GREP1: variants seen among roughly 807,000 people sequenced by gnomAD.
GREP1 encodes the protein glycine-rich extracellular protein 1.
At position 2,988,642 on chromosome 16, in the gene GREP1, C is replaced by G. The variant is rs2072383288; in HGVS notation, c.100+20C>G. On this transcript the variant is annotated intron_variant, in intron 2 of 34. Coordinates refer to ENST00000573315, the Ensembl canonical transcript of GREP1. ...GGAAAGGTAGGTGGGCCCTCTGGCACTGGGGTCAGGAAGAGTCTCCCATCT... is the reference window on the plus strand; with the variant it reads ...GGAAAGGTAGGTGGGCCCTCTGGCAGTGGGGTCAGGAAGAGTCTCCCATCT... 2.5e-6 allele frequency: 1 copy of G among 399,146 alleles called. No individual in the cohort carries two copies. Among genetic ancestry groups the G allele is most frequent in the Non-Finnish European group, 4.4e-6 (1 of 226,264 alleles). The allele number at this position is 399,146 out of a possible 1,614,324, so 24.7% of individuals were successfully genotyped here.
At chr16:2,999,479 CTTT>C (rs35368761) in intron 27 of GREP1, among the ~76,000 whole-genome samples, 11 of 75,534 alleles carry the variant, frequency 1.5e-4, no homozygotes, top group African/African-American at 6.6e-4. Flanking sequence ...CCCTCTTGCT[CTTT>C]TTTTTTTTTT....
chr16:2,997,954 C>A (rs891975562), intron 23 of GREP1, 119 bp downstream of exon 21: 2 of 394,318 alleles, frequency 5.1e-6, no homozygotes, highest in East Asian at 3.6e-5. Flanking sequence ...GGAGCTGGAG[C>A]CTTCCTGTGG....
At chr16:2,998,869 C>T (rs1248499840) in exon 26 of GREP1, 2 of 399,010 alleles carry the variant, frequency 5.0e-6, no homozygotes, top group Non-Finnish European at 8.8e-6. Context: ...GCGAGGGTCG[C>T]TCCGATGCTC....
chr16:2,993,990 G>C (rs2072411932), intron 10 of GREP1: 1 of 152,688 alleles, frequency 6.5e-6, no homozygotes, highest in Non-Finnish European at 1.5e-5. Context: ...AACAACCAAA[G>C]TAATCCGTGG....
In GREP1 at chr16:3,001,837, G is replaced by A. The variant is rs143561130; in HGVS notation, c.*251G>A. ...GTGCCAGGGACCATGTTCCCAACAGGAGAAATCATGAGAAGAAAACAGACT... is the reference window on the plus strand; with the variant it reads ...GTGCCAGGGACCATGTTCCCAACAGAAGAAATCATGAGAAGAAAACAGACT... On this transcript the variant is annotated 3_prime_UTR_variant, in exon 35 of 35. Coordinates refer to ENST00000573315, the Ensembl canonical transcript of GREP1. 41 of 391,430 alleles carry A rather than the reference G, an allele frequency of 1.0e-4. No individual in the cohort carries two copies. In the Admixed American group the frequency reaches 1.7e-3, roughly 16 times the overall value. 24.2% of individuals were successfully genotyped at this position (391,430 alleles called of 1,614,324 possible). A position where few individuals can be genotyped will look rare whatever the true frequency, so the allele number is the denominator to read the frequency against.
In GREP1 at chr16:2,995,665, G is replaced by C; in HGVS notation, c.589+11G>C. 1 of 398,778 alleles carries C rather than the reference G, an allele frequency of 2.5e-6. No individual in the cohort carries two copies. The highest frequency in any genetic ancestry group is 4.4e-6 in the Non-Finnish European group (1 of 226,146). The allele number at this position is 398,778 out of a possible 1,614,324, so 24.7% of individuals were successfully genotyped here. A position where few individuals can be genotyped will look rare whatever the true frequency, so the allele number is the denominator to read the frequency against. ...TTGGATTTGGAGCAGGTAGGAGCAG[G>C]GGTGGGGAGGGGCTGGGGGAGAATG... On this transcript the variant is annotated intron_variant, in intron 16 of 34. Coordinates refer to ENST00000573315, the Ensembl canonical transcript of GREP1.
At position 2,992,873 on chromosome 16, in the gene GREP1, G is replaced by A. The variant is rs2072405995; in HGVS notation, c.352+39G>A. ...GGACGGAAGCGGGGAGCCTGGGGCTGAGATTCTGGGCACAGGCCCAGAGGA... is the reference window on the plus strand; with the variant it reads ...GGACGGAAGCGGGGAGCCTGGGGCTAAGATTCTGGGCACAGGCCCAGAGGA... On this transcript the variant is annotated intron_variant, in intron 9 of 34. Transcript: ENST00000573315. This position sits in a 1 kb window ranked among gnomAD's most constrained non-coding sequence, Gnocchi z 4.9. 2.5e-6 allele frequency: 1 copy of A among 398,994 alleles called. No individual in the cohort carries two copies. The highest frequency in any genetic ancestry group is 2.1e-5 in the African/African-American group (1 of 48,636). 24.7% of individuals were successfully genotyped at this position (398,994 alleles called of 1,614,324 possible). A position where few individuals can be genotyped will look rare whatever the true frequency, so the allele number is the denominator to read the frequency against.
At position 2,991,497 on chromosome 16, in the gene GREP1, C is replaced by G. The variant is rs1182022175; in HGVS notation, c.322+396C>G. 1 of 177,914 alleles carries G rather than the reference C, an allele frequency of 5.6e-6. No homozygotes were observed. The highest frequency in any genetic ancestry group is 1.2e-5 in the Non-Finnish European group (1 of 85,580). The allele number at this position is 177,914 out of a possible 1,614,324, so 11.0% of individuals were successfully genotyped here. Reference sequence around the variant, plus strand: ...CGGGCAGGAGGGTTTAGGGTCCCAACCCTCATTCTTAGGGGAGGAGCTCTT... The same window carrying G: ...CGGGCAGGAGGGTTTAGGGTCCCAAGCCTCATTCTTAGGGGAGGAGCTCTT... On this transcript the variant is annotated intron_variant, in intron 8 of 34. Transcript: ENST00000573315. This position sits in a 1 kb window ranked among gnomAD's most constrained non-coding sequence, Gnocchi z 4.9.
intron 17 of GREP1, 32 bp downstream of exon 17, chr16:2,995,803 A>G (rs1190809052): frequency 1.0e-5 from 4 of 398,214 alleles, no homozygotes; most frequent in Non-Finnish European, 1.8e-5. Flanking sequence ...CTGCCTCTCT[A>G]TGCACGAACC....
chr16:3,001,074 G>A (rs1384067589), intron 33 of GREP1, among the ~76,000 whole-genome samples: 1 of 152,124 alleles, frequency 6.6e-6, no homozygotes, highest in Non-Finnish European at 1.5e-5. Context: ...ACCAAGAAGG[G>A]GAGGTGATGG....
chr16:2,994,500 A>G, intron 10 of GREP1, 198 bp from the exon 12 acceptor site: 1 of 388,032 alleles, frequency 2.6e-6, no homozygotes, highest in Non-Finnish European at 4.5e-6. Flanking sequence ...CAAGAGCGAG[A>G]CTCCATCTCA....
Position 2,997,010 on chromosome 16 carries a change from C to A in GREP1, c.811C>A (p.Arg271=), listed in dbSNP as rs1213284959. ...GGCTGGGGTTCCAGGAGGTCCAGAG[C>A]GGAGGCCTTGGGTCCCTCACTTGCT... is the stretch of plus-strand genomic sequence containing the variant. The change falls in exon 21 of 35, where the codon CGG becomes AGG. Residue 271 remains arginine, a synonymous_variant. Coordinates refer to ENST00000573315, the Ensembl canonical transcript of GREP1. 3 of 399,044 alleles carry A rather than the reference C, an allele frequency of 7.5e-6. No homozygotes were observed. In the South Asian group the frequency reaches 3.8e-4, roughly 51 times the overall value. 24.7% of individuals were successfully genotyped at this position (399,044 alleles called of 1,614,324 possible). A position where few individuals can be genotyped will look rare whatever the true frequency, so the allele number is the denominator to read the frequency against.
At chr16:2,998,219 G>T (rs572641818) in intron 23 of GREP1, 137 bp from the exon 22 acceptor site, 15 of 397,872 alleles carry the variant, frequency 3.8e-5, no homozygotes, top group African/African-American at 2.1e-4. Context: ...TCCCTCCCAG[G>T]ATACACACCA....
intron 20 of GREP1, 141 bp downstream of exon 19, chr16:2,996,846 G>A: frequency 2.5e-6 from 1 of 399,048 alleles, no homozygotes; most frequent in South Asian, 1.3e-4. Flanking sequence ...GGACCGAGGG[G>A]AGAGGAGGTT....
rs543744826 is a variant in GREP1, at chr16:2,994,497, G to A, written c.386-201G>A. The A allele has an allele frequency of 2.6e-5, 10 of 384,832 alleles. No homozygotes were observed. The South Asian group carries it at 7.2e-4, about 28-fold the overall frequency. 23.8% of individuals were successfully genotyped at this position (384,832 alleles called of 1,614,324 possible). A position where few individuals can be genotyped will look rare whatever the true frequency, so the allele number is the denominator to read the frequency against. ...GCTCTCCAGCCTGGGCAACAAGAGC[G>A]AGACTCCATCTCAAGAAAATAAAAA... On this transcript the variant is annotated intron_variant, in intron 10 of 34. Coordinates refer to ENST00000573315, the Ensembl canonical transcript of GREP1.
chr16:2,995,950 T>C lies in GREP1; in HGVS notation c.676+40T>C, dbSNP rs2072422507. The C allele has an allele frequency of 5.1e-6, 2 of 395,354 alleles. 1 individual carries two copies. The highest frequency in any genetic ancestry group is 2.7e-4 in the South Asian group (2 of 7,376). 24.5% of individuals were successfully genotyped at this position (395,354 alleles called of 1,614,324 possible). ...GGTAGGAGCCCAGGCTTTTTTTTTTTGAGATGGAGTCTTGCTCTGTCGCCC... is the reference window on the plus strand; with the variant it reads ...GGTAGGAGCCCAGGCTTTTTTTTTTCGAGATGGAGTCTTGCTCTGTCGCCC... On this transcript the variant is annotated intron_variant, in intron 18 of 34. Transcript: ENST00000573315.
At chr16:2,997,351 G>A (rs1446655739) in intron 21 of GREP1, 1 of 398,410 alleles carries the variant, frequency 2.5e-6, no homozygotes, top group African/African-American at 2.1e-5. Context: ...TCCTTAGCTA[G>A]AATCCCAAAC....
chr16:2,988,921 G>A, intron 2 of GREP1: 1 of 361,694 alleles, frequency 2.8e-6, no homozygotes. Context: ...AAGGGGGCCG[G>A]AGGGGGAGAG....
chr16:2,988,541 C>T (rs1397829691), intron 1 of GREP1, 49 bp from the exon 2 acceptor site: 3 of 399,092 alleles, frequency 7.5e-6, no homozygotes, highest in Non-Finnish European at 1.3e-5. Flanking sequence ...TGCCCCATCT[C>T]AGCCTCTGGG....
Sources: allele counts gnomAD v4.1 joint callset (sites outside exome capture counted in the v4.1 genomes callset), GRCh38; gene constraint gnomAD v4.1.1; non-coding constraint Gnocchi (gnomAD v3.1); transcripts MANE v1.5; gene names NCBI Gene and HGNC (gene_info 2026-07-23, HGNC 2026-07-21).